Variants in CCDC171 observed in about 807,000 individuals in gnomAD.
CCDC171 encodes the protein coiled-coil domain-containing protein 171.
Under a neutral mutation model 168.2 loss-of-function variants are expected in CCDC171, and 177 were observed. That is an observed-to-expected ratio of 1.05 (90% CI 0.93 to 1.19). The LOEUF (loss-of-function observed/expected upper bound fraction) is 1.19. CCDC171 is among the 50% of genes most tolerant of loss of function. CCDC171 has a pLI of 0.00. For synonymous variants in CCDC171, 687 were observed against 540.8 expected (o/e 1.27, Z -3.75); for missense variants, 1,991 against 1,539.0 (o/e 1.29, Z -4.91).
chr9:16,077,876 C>T, the CCDC171 span, among the ~76,000 whole-genome samples: 153 of 152,112 alleles, frequency 1.0e-3, no homozygotes, highest in Non-Finnish European at 1.7e-3. Flanking sequence ...GGTTTCAGTA[C>T]CCAGGAAAAA....
At chr9:15,740,884 A>G (rs1049524578) in intron 16 of CCDC171, among the ~76,000 whole-genome samples, 4 of 152,142 alleles carry the variant, frequency 2.6e-5, no homozygotes, top group East Asian at 1.9e-4. Flanking sequence ...ACGTTTATCA[A>G]TTTACTTAGG....
At chr9:15,945,047 A>G (rs1828183937) in intron 25 of CCDC171, among the ~76,000 whole-genome samples, 1 of 150,416 alleles carries the variant, frequency 6.6e-6, no homozygotes, top group African/African-American at 2.4e-5. Context: ...ACCCCACAAC[A>G]GTCCCCAGAG....
At chr9:15,828,174 A>G (rs746409029) in intron 21 of CCDC171, among the ~76,000 whole-genome samples, 1 of 152,154 alleles carries the variant, frequency 6.6e-6, no homozygotes, top group Non-Finnish European at 1.5e-5. Flanking sequence ...TTATTTTGAG[A>G]TGATCATAAA....
intron 6 of CCDC171, among the ~76,000 whole-genome samples, chr9:15,616,459 A>ATT (rs1196262998): frequency 6.6e-6 from 1 of 151,848 alleles, no homozygotes; most frequent in African/African-American, 2.4e-5. Flanking sequence ...ATTTTACTAT[A>ATT]TAAAATACTA....
At chr9:15,624,047 T>G (rs1025522945) in intron 7 of CCDC171, among the ~76,000 whole-genome samples, 1 of 152,228 alleles carries the variant, frequency 6.6e-6, no homozygotes, top group African/African-American at 2.4e-5. Context: ...TAATTTGTAA[T>G]CTTTATTAGG....
chr9:15,744,584 C>T lies in CCDC171; in HGVS notation c.2361C>T (p.Ala787=), dbSNP rs2055133729. The stretch of plus-strand genomic sequence containing the variant: ...TAGAGGAAAAGAAGCAAGAGGAAGC[C>T]AAGATGAAAAAGAAAACATTCAAAG... ...STVEEKKQEE[A]KMKKKTFKGL... Residue 787 remains alanine, a synonymous_variant, in exon 17 of 26, where the codon GCC becomes GCT. Transcript: ENST00000380701. The T allele has an allele frequency of 2.5e-6, 4 of 1,613,990 alleles. No individual in the cohort carries two copies. Among genetic ancestry groups the T allele is most frequent in the Middle Eastern group, 3.3e-4 (2 of 6,084 alleles).
At chr9:15,880,626 GTTTT>G (rs57349228) in intron 24 of CCDC171, among the ~76,000 whole-genome samples, 1,352 of 115,978 alleles carry the variant, frequency 0.012, 13 homozygotes, top group African/African-American at 0.032. Flanking sequence ...CCGCCTAATT[GTTTT>G]TTTTTTTTTT....
intron 21 of CCDC171, among the ~76,000 whole-genome samples, chr9:15,807,086 T>C (rs2059115770): frequency 1.3e-5 from 2 of 152,232 alleles, no homozygotes; most frequent in East Asian, 1.9e-4. Flanking sequence ...TAGTTCTTCT[T>C]TGTGGCTATT....
In CCDC171 at chr9:15,568,355, C is replaced by G. The variant is rs185247315; in HGVS notation, c.42-3269C>G. On this transcript the variant is annotated intron_variant, in intron 2 of 25. Coordinates refer to ENST00000380701, the MANE Select transcript of CCDC171 (RefSeq NM_173550.4). ...GCGCGATCTTGGCTCGCTGCAAGCT[C>G]CGCCTCCCGGGCTTAGGCCATTCTC... Among the ~76,000 whole-genome samples, 68 of 151,124 alleles carry G rather than the reference C, an allele frequency of 4.5e-4. 1 individual carries two copies. In the East Asian group the frequency reaches 0.012, roughly 26 times the overall value.
chr9:15,609,104 T>G (rs1425549350), intron 6 of CCDC171, among the ~76,000 whole-genome samples: 1 of 147,080 alleles, frequency 6.8e-6, no homozygotes, highest in Non-Finnish European at 1.5e-5. Flanking sequence ...AGTTTAAAAT[T>G]TTTTTTTTTT....
the CCDC171 span, among the ~76,000 whole-genome samples, chr9:16,094,299 TG>T: frequency 1.3e-5 from 2 of 152,212 alleles, no homozygotes; most frequent in Non-Finnish European, 2.9e-5. Flanking sequence ...TTGACTCTAG[TG>T]GTCCAGTGAA....
intron 21 of CCDC171, among the ~76,000 whole-genome samples, chr9:15,810,719 G>A (rs941296027): frequency 1.3e-5 from 2 of 152,182 alleles, no homozygotes; most frequent in Non-Finnish European, 2.9e-5. Flanking sequence ...CCGAGCCCAC[G>A]CCCACCCGGA....
At chr9:15,871,550 C>CGAAT (rs2062039007) in intron 23 of CCDC171, among the ~76,000 whole-genome samples, 1 of 151,834 alleles carries the variant, frequency 6.6e-6, no homozygotes, top group Non-Finnish European at 1.5e-5. Context: ...GCTTTAGATC[C>CGAAT]TCATTCTTGA....
the CCDC171 span, among the ~76,000 whole-genome samples, chr9:16,079,578 G>A: frequency 4.0e-4 from 61 of 152,308 alleles, no homozygotes; most frequent in African/African-American, 6.3e-4. Flanking sequence ...AAGATTGTCC[G>A]CAAATCACCA....
At chr9:15,979,710 G>C (rs941636750) in intron 3 of CCDC171, among the ~76,000 whole-genome samples, 3 of 151,432 alleles carry the variant, frequency 2.0e-5, no homozygotes, top group African/African-American at 4.8e-5. Context: ...GGATTTGTTG[G>C]AGATTTTGCA....
At chr9:15,859,906 A>G (rs1220058139) in intron 23 of CCDC171, among the ~76,000 whole-genome samples, 2 of 150,260 alleles carry the variant, frequency 1.3e-5, no homozygotes, top group Non-Finnish European at 3.0e-5. Context: ...AGCCTCAAGC[A>G]CTCCTCCCAC....
At chr9:15,888,598 A>G (rs1819753062) in intron 24 of CCDC171, among the ~76,000 whole-genome samples, 1 of 152,218 alleles carries the variant, frequency 6.6e-6, no homozygotes, top group African/African-American at 2.4e-5. Context: ...AGAAATTTAC[A>G]CAATGAATTG....
intron 7 of CCDC171, among the ~76,000 whole-genome samples, chr9:15,635,196 G>A (rs918568810): frequency 2.6e-5 from 4 of 152,176 alleles, no homozygotes; most frequent in Admixed American, 2.6e-4. Context: ...GAGGAGCAAG[G>A]AAGTCAGTCG....
At chr9:15,769,223 A>G (rs1280855547) in intron 18 of CCDC171, among the ~76,000 whole-genome samples, 1 of 152,218 alleles carries the variant, frequency 6.6e-6, no homozygotes, top group Admixed American at 6.5e-5. Context: ...TAAAACTGAG[A>G]GCATGATAGT....
Sources: gnomAD v4.1 joint callset for allele counts (sites outside exome capture counted in the v4.1 genomes callset) on GRCh38, gnomAD v4.1.1 for gene constraint, MANE v1.5 for transcripts, NCBI Gene and HGNC (gene_info 2026-07-23, HGNC 2026-07-21) for gene names.